The following HS3ST3B1 variants were observed in gnomAD, a reference collection of about 807,000 sequenced individuals.
HS3ST3B1 encodes heparan sulfate glucosamine 3-O-sulfotransferase 3B1.
HS3ST3B1 carries 13 observed loss-of-function variants against 21.3 expected under a neutral mutation model. The ratio of observed to expected loss-of-function variants is 0.61; its 90% CI spans 0.40 to 0.97. The LOEUF is 0.97. Ranked by LOEUF, HS3ST3B1 falls within the 50% of genes least tolerant of loss-of-function variation. The pLI is 0.00. For synonymous variants in HS3ST3B1, 234 were observed against 254.8 expected (o/e 0.92, Z 0.78); for missense variants, 459 against 554.8 (o/e 0.83, Z 1.73).
intron 1 of HS3ST3B1, among the ~76,000 whole-genome samples, chr17:14,338,956 TCTGTCACC>T: frequency 6.6e-6 from 1 of 152,206 alleles, no homozygotes; most frequent in Non-Finnish European, 1.5e-5. Context: ...TTTCTTGGGT[TCTGTCACC>T]CTGTGTTCAT....
Position 14,345,476 on chromosome 17 carries a change from C to T in HS3ST3B1, c.1003C>T (p.Pro335Ser). Reference protein sequence around the residue: ...HFYFNKTKGFPCLKKAEGSSR... With the variant: ...HFYFNKTKGFSCLKKAEGSSR... ...CTACTTCAACAAGACCAAGGGCTTC[C>T]CCTGCCTGAAGAAGGCGGAGGGCAG... Residue 335 changes from proline to serine, a missense_variant, in exon 2 of 2, where the codon CCC becomes TCC. By Grantham distance (74) the Pro-to-Ser change is moderately conservative. Around this residue, in one of 3 missense-constraint regions of HS3ST3B1, gnomAD observed 127 missense variants for 209.9 expected, o/e 0.60. Transcript: ENST00000360954. 1 of 1,534,170 alleles carries T rather than the reference C, an allele frequency of 6.5e-7. No homozygotes were observed. Among genetic ancestry groups the T allele is most frequent in the Non-Finnish European group, 9.0e-7 (1 of 1,113,542 alleles).
At chr17:14,317,841 G>A (rs559183496) in intron 1 of HS3ST3B1, among the ~76,000 whole-genome samples, 1 of 152,250 alleles carries the variant, frequency 6.6e-6, no homozygotes, top group South Asian at 2.1e-4. Flanking sequence ...AGCTTTATAT[G>A]AGTTGTGAAT....
intron 1 of HS3ST3B1, among the ~76,000 whole-genome samples, chr17:14,316,658 A>G (rs1352537135): frequency 1.3e-5 from 2 of 152,200 alleles, no homozygotes; most frequent in Non-Finnish European, 2.9e-5. Context: ...TGAGTGCCAC[A>G]TGTAAACATT....
At chr17:14,332,310 TG>T (rs1455226057) in intron 1 of HS3ST3B1, among the ~76,000 whole-genome samples, 1 of 152,174 alleles carries the variant, frequency 6.6e-6, no homozygotes, top group African/African-American at 2.4e-5. Flanking sequence ...AGGACTGTAA[TG>T]ACCTTGCGGC....
intron 1 of HS3ST3B1, among the ~76,000 whole-genome samples, chr17:14,313,762 G>A (rs976596659): frequency 1.3e-5 from 2 of 151,838 alleles, no homozygotes; most frequent in African/African-American, 2.4e-5. Context: ...TAGAGGCGGG[G>A]TTCCACCATG....
chr17:14,309,656 C>T (rs771480388), intron 1 of HS3ST3B1, among the ~76,000 whole-genome samples: 17 of 152,342 alleles, frequency 1.1e-4, no homozygotes, highest in South Asian at 2.1e-4. Flanking sequence ...CAAGTCGAGC[C>T]TATCAGCTGT....
At chr17:14,334,628 A>G (rs891597047) in intron 1 of HS3ST3B1, among the ~76,000 whole-genome samples, 1 of 152,206 alleles carries the variant, frequency 6.6e-6, no homozygotes, top group Non-Finnish European at 1.5e-5. Flanking sequence ...ACATCTCATT[A>G]TCACCCAAAG....
At chr17:14,328,007 C>T (rs1031974829) in intron 1 of HS3ST3B1, 2 of 152,200 alleles carry the variant, frequency 1.3e-5, no homozygotes, top group Non-Finnish European at 2.9e-5. Context: ...CTTAGCAGCT[C>T]TCTCACTGAT....
At chr17:14,343,078 C>T (rs1271614534) in intron 1 of HS3ST3B1, among the ~76,000 whole-genome samples, 1 of 151,942 alleles carries the variant, frequency 6.6e-6, no homozygotes, top group African/African-American at 2.4e-5. Context: ...CCCATCTCTA[C>T]CAAAAATACA....
chr17:14,336,178 C>T (rs539471927), intron 1 of HS3ST3B1, among the ~76,000 whole-genome samples: 45 of 152,308 alleles, frequency 3.0e-4, no homozygotes, highest in African/African-American at 8.7e-4. Flanking sequence ...GCTTGCTCTC[C>T]TCTCTAAAGC....
chr17:14,341,554 T>G (rs1910384409), intron 1 of HS3ST3B1, among the ~76,000 whole-genome samples: 1 of 151,906 alleles, frequency 6.6e-6, no homozygotes, highest in African/African-American at 2.4e-5. Context: ...ATTATTCAGA[T>G]GAGAAAACTG....
At chr17:14,334,267 G>C (rs1460724799) in intron 1 of HS3ST3B1, among the ~76,000 whole-genome samples, 6 of 135,562 alleles carry the variant, frequency 4.4e-5, no homozygotes, top group Non-Finnish European at 6.6e-5. Context: ...GTTTTTTCAT[G>C]GTTTTTTTTT....
rs1459108844 is a variant in HS3ST3B1, at chr17:14,347,585, TATGAAAAG to T, written c.*1950_*1957del. On this transcript the variant is annotated 3_prime_UTR_variant, in exon 2 of 2. Coordinates refer to ENST00000360954, the MANE Select transcript of HS3ST3B1 (RefSeq NM_006041.3). ...TTGCCTGATAGTATAAGGAACATTG[TATGAAAAG>T]ATGAAAAGATACTTCATTTTTAGAA... is the stretch of plus-strand genomic sequence containing the variant. The T allele has an allele frequency of 1.3e-5, 2 of 152,224 alleles. No homozygotes were observed. Among genetic ancestry groups the T allele is most frequent in the African/African-American group, 4.8e-5 (2 of 41,462 alleles). 9.4% of individuals were successfully genotyped at this position (152,224 alleles called of 1,614,324 possible). A position where few individuals can be genotyped will look rare whatever the true frequency, so the allele number is the denominator to read the frequency against.
intron 1 of HS3ST3B1, among the ~76,000 whole-genome samples, chr17:14,334,943 G>T (rs749535813): frequency 3.9e-5 from 6 of 152,038 alleles, no homozygotes; most frequent in Non-Finnish European, 8.8e-5. Context: ...GTAGATGCTG[G>T]GAACATGTTT....
intron 1 of HS3ST3B1, among the ~76,000 whole-genome samples, chr17:14,335,313 A>G (rs1389835904): frequency 6.6e-6 from 1 of 152,204 alleles, no homozygotes; most frequent in Non-Finnish European, 1.5e-5. Flanking sequence ...CAGAAAAGTA[A>G]CCACTGGGAC....
At chr17:14,319,509 A>T (rs1909593409) in intron 1 of HS3ST3B1, among the ~76,000 whole-genome samples, 1 of 152,152 alleles carries the variant, frequency 6.6e-6, no homozygotes, top group Non-Finnish European at 1.5e-5. Context: ...GTTTCTTAGA[A>T]TTTAAGTACT....
At chr17:14,309,568 C>T (rs1166583611) in intron 1 of HS3ST3B1, among the ~76,000 whole-genome samples, 7 of 152,230 alleles carry the variant, frequency 4.6e-5, no homozygotes, top group African/African-American at 1.4e-4. Flanking sequence ...GCCCCGCCCC[C>T]GCCGGTGTTG....
At position 14,346,476 on chromosome 17, in the gene HS3ST3B1, C is replaced by T. The variant is rs955131929; in HGVS notation, c.*830C>T. ...ATGTTGGTCAGGCTGGTATCAAACT[C>T]CCGACCTCAGGTGATCCGCCTGCCT... is the stretch of plus-strand genomic sequence containing the variant. On this transcript the variant is annotated 3_prime_UTR_variant, in exon 2 of 2. Coordinates refer to ENST00000360954, the MANE Select transcript of HS3ST3B1 (RefSeq NM_006041.3). The T allele has an allele frequency of 6.6e-6, 1 of 152,038 alleles. No individual in the cohort carries two copies. Among genetic ancestry groups the T allele is most frequent in the Non-Finnish European group, 1.5e-5 (1 of 68,082 alleles). 9.4% of individuals were successfully genotyped at this position (152,038 alleles called of 1,614,324 possible).
At chr17:14,302,700 G>A (rs1908979324) in intron 1 of HS3ST3B1, among the ~76,000 whole-genome samples, 1 of 152,032 alleles carries the variant, frequency 6.6e-6, no homozygotes. Context: ...CGCCTGGCGG[G>A]CGGGCGGCGC....
Sources: gnomAD v4.1 joint callset for allele counts (sites outside exome capture counted in the v4.1 genomes callset) on GRCh38, gnomAD v4.1.1 for gene constraint, gnomAD v4.1.1 regional missense constraint, MANE v1.5 for transcripts, NCBI Gene and HGNC (gene_info 2026-07-23, HGNC 2026-07-21) for gene names.